The following RBFOX1 variants were observed in gnomAD, a reference collection of about 807,000 sequenced individuals.
RBFOX1 encodes the protein RNA binding fox-1 homolog 1.
A neutral mutation model predicts 57.7 loss-of-function variants in RBFOX1; 8 were observed. The observed-to-expected ratio is 0.14, with a 90% CI of 0.08 to 0.25. The LOEUF (loss-of-function observed/expected upper bound fraction) is 0.25, where lower values mean the gene tolerates loss of function less well. RBFOX1 is among the 10% of genes least tolerant of loss of function. The pLI is 1.00. For missense variants in RBFOX1, 611 were observed against 548.5 expected (o/e 1.11, Z -1.14); for synonymous variants, 326 against 222.4 (o/e 1.47, Z -4.15).
chr16:6,435,372 C>T (rs1487992026), intron 2 of RBFOX1, among the ~76,000 whole-genome samples: 1 of 150,146 alleles, frequency 6.7e-6, no homozygotes, highest in African/African-American at 2.5e-5. Context: ...GTGATCTCGG[C>T]TCACTGCAGC....
chr16:7,014,385 AT>A (rs1176177454), intron 3 of RBFOX1, among the ~76,000 whole-genome samples: 1 of 150,326 alleles, frequency 6.7e-6, no homozygotes, highest in East Asian at 2.0e-4. Flanking sequence ...GCTTTTTTTT[AT>A]TTTTATTTTT....
At chr16:6,669,239 G>T (rs1053581017) in intron 3 of RBFOX1, among the ~76,000 whole-genome samples, 2 of 152,140 alleles carry the variant, frequency 1.3e-5, no homozygotes, top group Non-Finnish European at 2.9e-5. Context: ...AGAATTCAAG[G>T]GTGGGGTGGG....
intron 3 of RBFOX1, among the ~76,000 whole-genome samples, chr16:5,813,893 G>A (rs1050677680): frequency 1.3e-5 from 2 of 152,152 alleles, no homozygotes; most frequent in Non-Finnish European, 2.9e-5. Flanking sequence ...TTGGGACCCT[G>A]GAATTATAAT....
chr16:6,219,461 A>C (rs2097357580), intron 1 of RBFOX1, among the ~76,000 whole-genome samples: 1 of 152,142 alleles, frequency 6.6e-6, no homozygotes, highest in Non-Finnish European at 1.5e-5. Context: ...AAAGTAGAAA[A>C]TATGTCTCGG....
In RBFOX1 at chr16:6,866,439, T is replaced by A. The variant is rs151204025; in HGVS notation, c.-15-185618T>A. 5.1e-3 allele frequency among the ~76,000 whole-genome samples: 776 copies of A among 151,646 alleles called. 8 individuals are homozygous for A. The highest frequency in any genetic ancestry group is 0.018 in the African/African-American group (726 of 41,334). ...TCCATGACTTCTAGTGTCTTTCCCATCTGCATCTTCATGTTAAGCAAAAAA... is the reference window on the plus strand; with the variant it reads ...TCCATGACTTCTAGTGTCTTTCCCAACTGCATCTTCATGTTAAGCAAAAAA... On this transcript the variant is annotated intron_variant, in intron 3 of 15. Coordinates refer to ENST00000550418, the MANE Select transcript of RBFOX1 (RefSeq NM_018723.4).
At chr16:7,134,190 G>C (rs866696181) in intron 4 of RBFOX1, among the ~76,000 whole-genome samples, 32 of 152,156 alleles carry the variant, frequency 2.1e-4, no homozygotes, top group Non-Finnish European at 7.4e-5. Flanking sequence ...TTCAGTAAAG[G>C]TCCAGATGAA....
intron 3 of RBFOX1, among the ~76,000 whole-genome samples, chr16:5,852,095 C>T (rs1341135196): frequency 6.6e-6 from 1 of 152,218 alleles, no homozygotes; most frequent in Admixed American, 6.5e-5. Context: ...GAACAGCCTG[C>T]AGAGTGATCA....
chr16:6,488,421 TC>T (rs2095553616), intron 2 of RBFOX1, among the ~76,000 whole-genome samples: 1 of 152,172 alleles, frequency 6.6e-6, no homozygotes, highest in Non-Finnish European at 1.5e-5. Context: ...GCCGATTTCT[TC>T]CCGGGCACTT....
intron 10 of RBFOX1, among the ~76,000 whole-genome samples, chr16:7,611,523 G>A (rs1487900615): frequency 6.6e-6 from 1 of 151,194 alleles, no homozygotes; most frequent in East Asian, 2.0e-4. Context: ...AGGTTGCAGT[G>A]AGCCAAGATT....
chr16:6,236,828 T>G (rs575593349), intron 1 of RBFOX1, among the ~76,000 whole-genome samples: 21 of 152,256 alleles, frequency 1.4e-4, no homozygotes, highest in African/African-American at 5.1e-4. Flanking sequence ...TAAGAGCAAC[T>G]TTACCCATTG....
At chr16:6,272,490 A>G (rs1048858341) in intron 1 of RBFOX1, among the ~76,000 whole-genome samples, 10 of 152,220 alleles carry the variant, frequency 6.6e-5, no homozygotes, top group African/African-American at 1.9e-4. Flanking sequence ...AAGGCTCATC[A>G]TAGTAAAGAC....
At chr16:5,961,632 AC>A (rs2059751767) in intron 4 of RBFOX1, among the ~76,000 whole-genome samples, 1 of 151,900 alleles carries the variant, frequency 6.6e-6, no homozygotes, top group East Asian at 1.9e-4. Flanking sequence ...CAATCCTCCC[AC>A]CTCAGCCTCC....
chr16:6,884,779 T>G (rs1357127578), intron 3 of RBFOX1, among the ~76,000 whole-genome samples: 2 of 152,006 alleles, frequency 1.3e-5, no homozygotes, highest in Admixed American at 6.6e-5. Context: ...ATACCTGCAG[T>G]CCCAGCTACT....
chr16:6,300,225 A>G (rs2078651374), intron 1 of RBFOX1, among the ~76,000 whole-genome samples: 1 of 152,208 alleles, frequency 6.6e-6, no homozygotes, highest in Non-Finnish European at 1.5e-5. Context: ...AAAGGATACA[A>G]CATTTCAATT....
chr16:5,704,655 A>G (rs532782209), intron 3 of RBFOX1, among the ~76,000 whole-genome samples: 28 of 152,254 alleles, frequency 1.8e-4, no homozygotes, highest in African/African-American at 6.5e-4. Context: ...GAAGTAGCCA[A>G]CTACTTGGGT....
At chr16:6,453,161 G>C (rs1417856768) in intron 2 of RBFOX1, among the ~76,000 whole-genome samples, 1 of 151,616 alleles carries the variant, frequency 6.6e-6, no homozygotes, top group Non-Finnish European at 1.5e-5. Context: ...TGTACAGAAC[G>C]TGCAAGTTCG....
At chr16:6,855,050 G>T (rs530975077) in intron 3 of RBFOX1, among the ~76,000 whole-genome samples, 4 of 152,094 alleles carry the variant, frequency 2.6e-5, no homozygotes, top group Admixed American at 1.3e-4. Context: ...TGGGTGGGAG[G>T]AGTAGGTCCT....
intron 1 of RBFOX1, among the ~76,000 whole-genome samples, chr16:5,313,206 C>A (rs1048051014): frequency 6.6e-6 from 1 of 152,174 alleles, no homozygotes; most frequent in African/African-American, 2.4e-5. Flanking sequence ...CCTGTTGAAG[C>A]AGGGCAAATT....
intron 4 of RBFOX1, among the ~76,000 whole-genome samples, chr16:7,082,971 G>C (rs983988983): frequency 6.7e-6 from 1 of 150,156 alleles, no homozygotes; most frequent in Non-Finnish European, 1.5e-5. Flanking sequence ...CAGCCTGCTT[G>C]TAAATATGGA....
Sources: gnomAD v4.1 joint callset for allele counts (sites outside exome capture counted in the v4.1 genomes callset) on GRCh38, gnomAD v4.1.1 for gene constraint, MANE v1.5 for transcripts, NCBI Gene and HGNC (gene_info 2026-07-23, HGNC 2026-07-21) for gene names.